FHIT: variants seen among roughly 807,000 people sequenced by gnomAD.
FHIT encodes the protein bis(5'-adenosyl)-triphosphatase.
A neutral mutation model predicts 17.9 loss-of-function variants in FHIT; 19 were observed. The ratio of observed to expected loss-of-function variants is 1.06; its 90% CI spans 0.74 to 1.56. The LOEUF is 1.56. Ranked by LOEUF, FHIT falls within the 40% of genes most tolerant of loss-of-function variation. The pLI is 0.00. For missense variants in FHIT, 248 were observed against 189.2 expected, an observed-to-expected ratio of 1.31 and a Z score of -1.82; for synonymous variants, 81 against 69.7, an observed-to-expected ratio of 1.16 and a Z score of -0.81.
chr3:60,663,285 GA>G (rs1228896872), intron 4 of FHIT, among the ~76,000 whole-genome samples: 1 of 150,908 alleles, frequency 6.6e-6, no homozygotes, highest in African/African-American at 2.4e-5. Flanking sequence ...AATTTTGTTA[GA>G]AATTTAATTT....
chr3:60,558,253 TCATCTCCCTGACC>T, intron 4 of FHIT, among the ~76,000 whole-genome samples: 1 of 151,984 alleles, frequency 6.6e-6, no homozygotes, highest in Non-Finnish European at 1.5e-5. Context: ...CAATCTCTAG[TCATCTCCCTGACC>T]CATGTCCCTG....
chr3:59,828,843 C>CTGTGTG (rs10637442), intron 8 of FHIT, among the ~76,000 whole-genome samples: 55,642 of 146,670 alleles, frequency 0.38, 11,727 homozygotes, highest in Middle Eastern at 0.51. Context: ...CAATGGTACT[C>CTGTGTG]TCTCTGTGTG....
chr3:60,925,311 A>G (rs1553769562), intron 3 of FHIT, among the ~76,000 whole-genome samples: 2 of 152,188 alleles, frequency 1.3e-5, no homozygotes, highest in African/African-American at 4.8e-5. Context: ...GCCAGAGAGA[A>G]AGGTCGGGTT....
At chr3:59,808,406 C>T (rs929818193) in intron 8 of FHIT, among the ~76,000 whole-genome samples, 3 of 152,140 alleles carry the variant, frequency 2.0e-5, no homozygotes, top group Non-Finnish European at 2.9e-5. Flanking sequence ...GATGGAGGCC[C>T]TCTCTGACAA....
intron 5 of FHIT, among the ~76,000 whole-genome samples, chr3:60,338,230 A>G (rs1236411206): frequency 6.6e-6 from 1 of 152,190 alleles, no homozygotes; most frequent in Non-Finnish European, 1.5e-5. Context: ...TTTCCCATTA[A>G]TCGCTACTAG....
At chr3:60,123,573 G>A (rs375811166) in intron 5 of FHIT, among the ~76,000 whole-genome samples, 25 of 152,038 alleles carry the variant, frequency 1.6e-4, no homozygotes, top group Non-Finnish European at 2.5e-4. Context: ...CTAAAATATC[G>A]TTGAAAGAGT....
At chr3:60,905,697 T>C (rs1029309051) in intron 3 of FHIT, among the ~76,000 whole-genome samples, 31 of 152,158 alleles carry the variant, frequency 2.0e-4, no homozygotes, top group South Asian at 8.3e-4. Flanking sequence ...TATGAAATAA[T>C]TGCCAGGATA....
At position 60,832,694 on chromosome 3, in the gene FHIT, A is replaced by G. The variant is rs1702373668; in HGVS notation, c.-110-10683T>C. Among the ~76,000 whole-genome samples the G allele has an allele frequency of 2.6e-5, 4 of 152,098 alleles. No individual in the cohort carries two copies. In the South Asian group the frequency reaches 8.3e-4, roughly 32 times the overall value. On this transcript the variant is annotated intron_variant, in intron 3 of 9. Coordinates refer to ENST00000492590, the MANE Select transcript of FHIT (RefSeq NM_002012.4). ...CTGCTTTAAATCAATTCATAAAAAA[A>G]AAAAAAAGCACAGAGGCACCATAAA...
intron 7 of FHIT, among the ~76,000 whole-genome samples, chr3:59,952,324 G>T (rs1707157950): frequency 6.6e-6 from 1 of 152,126 alleles, no homozygotes; most frequent in African/African-American, 2.4e-5. Context: ...AACATAGGTG[G>T]CCATTGCACC....
At chr3:61,115,128 T>C (rs1045134818) in intron 2 of FHIT, among the ~76,000 whole-genome samples, 2 of 152,158 alleles carry the variant, frequency 1.3e-5, no homozygotes, top group African/African-American at 2.4e-5. Flanking sequence ...GTTGGGGCTA[T>C]AACTGTGAAA....
At chr3:59,856,056 C>T (rs1038595704) in intron 8 of FHIT, among the ~76,000 whole-genome samples, 1 of 152,166 alleles carries the variant, frequency 6.6e-6, no homozygotes, top group Admixed American at 6.5e-5. Context: ...GCTGGGATTA[C>T]AGGTGTGAGC....
At chr3:61,221,467 A>T (rs1338196757) in intron 1 of FHIT, among the ~76,000 whole-genome samples, 2 of 152,358 alleles carry the variant, frequency 1.3e-5, no homozygotes, top group South Asian at 4.1e-4. Context: ...TTCATTTATT[A>T]CCTTTCCATC....
intron 1 of FHIT, among the ~76,000 whole-genome samples, chr3:61,212,185 C>T (rs548061070): frequency 8.5e-5 from 13 of 152,304 alleles, no homozygotes; most frequent in African/African-American, 2.9e-4. Flanking sequence ...AAGAAGGCTT[C>T]AGACGATCAA....
At chr3:60,594,547 T>G (rs1367470370) in intron 4 of FHIT, among the ~76,000 whole-genome samples, 1 of 152,024 alleles carries the variant, frequency 6.6e-6, no homozygotes, top group African/African-American at 2.4e-5. Context: ...GGCTTCTAGG[T>G]TAGCCACCTC....
At chr3:60,518,993 A>C (rs1253094723) in intron 5 of FHIT, among the ~76,000 whole-genome samples, 1 of 152,230 alleles carries the variant, frequency 6.6e-6, no homozygotes, top group Non-Finnish European at 1.5e-5. Context: ...CAACAGAGTG[A>C]GACTGTCTAA....
chr3:59,804,979 GA>G (rs1700139832), intron 8 of FHIT, among the ~76,000 whole-genome samples: 1 of 152,174 alleles, frequency 6.6e-6, no homozygotes, highest in Admixed American at 6.5e-5. Context: ...TCTAATCTTA[GA>G]GTCTAGTGTA....
chr3:61,153,395 C>T (rs1294981241), intron 2 of FHIT, among the ~76,000 whole-genome samples: 1 of 152,062 alleles, frequency 6.6e-6, no homozygotes, highest in Non-Finnish European at 1.5e-5. Context: ...AGAGGAAATA[C>T]AATTTTTAAA....
intron 5 of FHIT, among the ~76,000 whole-genome samples, chr3:60,272,149 C>A (rs772894133): frequency 6.6e-6 from 1 of 152,216 alleles, no homozygotes; most frequent in Non-Finnish European, 1.5e-5. Flanking sequence ...ATCCTTCATG[C>A]TCTGCGGGAC....
intron 4 of FHIT, among the ~76,000 whole-genome samples, chr3:60,646,542 G>A (rs532968739): frequency 5.1e-4 from 77 of 152,256 alleles, no homozygotes; most frequent in African/African-American, 1.8e-3. Flanking sequence ...TATGCTCACA[G>A]ATCAAAAGTG....
Sources: gnomAD v4.1 joint callset for allele counts (sites outside exome capture counted in the v4.1 genomes callset) on GRCh38, gnomAD v4.1.1 for gene constraint, MANE v1.5 for transcripts, NCBI Gene and HGNC (gene_info 2026-07-23, HGNC 2026-07-21) for gene names.